RALGPS2: variants seen among roughly 807,000 people sequenced by gnomAD.
RALGPS2 encodes the protein ras-specific guanine nucleotide-releasing factor RalGPS2.
A neutral mutation model predicts 86.8 loss-of-function variants in RALGPS2; 43 were observed. The ratio of observed to expected loss-of-function variants is 0.50; its 90% CI spans 0.39 to 0.64. The LOEUF (loss-of-function observed/expected upper bound fraction) is 0.64, where lower values mean the gene tolerates loss of function less well. RALGPS2 is among the 30% of genes least tolerant of loss of function. The pLI is 0.00. For missense variants in RALGPS2, 536 were observed against 694.6 expected (o/e 0.77, Z 2.57); for synonymous variants, 243 against 231.3 (o/e 1.05, Z -0.46).
intron 15 of RALGPS2, 141 bp from the exon 16 acceptor site, chr1:178,893,778 C>T: frequency 3.5e-6 from 2 of 570,084 alleles, no homozygotes; most frequent in Non-Finnish European, 6.0e-6. Flanking sequence ...ATTAATAAAC[C>T]TTTAGAATTG....
intron 1 of RALGPS2, among the ~76,000 whole-genome samples, chr1:178,760,979 C>CT (rs200598214): frequency 0.032 from 4,422 of 138,064 alleles, 208 homozygotes; most frequent in African/African-American, 0.091. Flanking sequence ...AGACTTTATT[C>CT]TTTTTTTTTT....
In RALGPS2 at chr1:178,894,190, C is replaced by T. The variant is rs911479834; in HGVS notation, c.1431+166C>T. Reference sequence around the variant, plus strand: ...ATCCTTGGGTCATCCATTCCAAGATCCCCCGGGGATGACTGAAACCTCAGA... The same window carrying T: ...ATCCTTGGGTCATCCATTCCAAGATTCCCCGGGGATGACTGAAACCTCAGA... On this transcript the variant is annotated intron_variant, in intron 16 of 19. Coordinates refer to ENST00000367635, the MANE Select transcript of RALGPS2 (RefSeq NM_152663.5). 16 of 484,108 alleles carry T rather than the reference C, an allele frequency of 3.3e-5. No individual in the cohort carries two copies. In the Middle Eastern group the frequency reaches 1.7e-3, roughly 51 times the overall value. The allele number at this position is 484,108 out of a possible 1,614,324, so 30.0% of individuals were successfully genotyped here.
intron 6 of RALGPS2, among the ~76,000 whole-genome samples, chr1:178,816,079 CT>C (rs1432506661): frequency 6.6e-6 from 1 of 151,992 alleles, no homozygotes; most frequent in Non-Finnish European, 1.5e-5. Context: ...TGGATTATAC[CT>C]AGGAATGGTG....
chr1:178,879,421 A>T (rs1216762471), intron 10 of RALGPS2: 1 of 153,468 alleles, frequency 6.5e-6, no homozygotes, highest in East Asian at 1.9e-4. Context: ...GACTTGGTCC[A>T]TCTTGTCTCA....
At chr1:178,777,695 A>G (rs1173236904) in intron 2 of RALGPS2, among the ~76,000 whole-genome samples, 1 of 152,054 alleles carries the variant, frequency 6.6e-6, no homozygotes, top group Non-Finnish European at 1.5e-5. Context: ...CAAAACAGAG[A>G]TATAGATCAA....
At chr1:178,904,341 C>G (rs577650903) in intron 18 of RALGPS2, among the ~76,000 whole-genome samples, 1 of 152,062 alleles carries the variant, frequency 6.6e-6, no homozygotes, top group Non-Finnish European at 1.5e-5. Context: ...GCTGTGCAAA[C>G]GCTCTTTAGT....
chr1:178,895,616 C>T (rs1235443073), intron 16 of RALGPS2, among the ~76,000 whole-genome samples: 3 of 151,908 alleles, frequency 2.0e-5, no homozygotes, highest in Non-Finnish European at 2.9e-5. Context: ...GTGTAGTTTA[C>T]GCATTGAAAT....
At chr1:178,862,890 T>G (rs1464272301) in intron 8 of RALGPS2, among the ~76,000 whole-genome samples, 1 of 152,160 alleles carries the variant, frequency 6.6e-6, no homozygotes, top group Non-Finnish European at 1.5e-5. Flanking sequence ...CTGCTGGCAA[T>G]GTAAATATAT....
chr1:178,835,393 T>C (rs115704794), intron 8 of RALGPS2, among the ~76,000 whole-genome samples: 5,522 of 113,846 alleles, frequency 0.049, 124 homozygotes, highest in African/African-American at 0.09. Flanking sequence ...CTTTCTTTTC[T>C]TTTTTTTTTT....
At chr1:178,774,051 G>A (rs561722452) in intron 1 of RALGPS2, among the ~76,000 whole-genome samples, 4 of 152,100 alleles carry the variant, frequency 2.6e-5, no homozygotes, top group African/African-American at 7.2e-5. Context: ...GACCAGCCTG[G>A]CCAACATGGT....
chr1:178,830,850 C>T (rs1343653020), intron 7 of RALGPS2, among the ~76,000 whole-genome samples: 1 of 151,920 alleles, frequency 6.6e-6, no homozygotes, highest in Admixed American at 6.6e-5. Context: ...AGTTGTCCAA[C>T]TAGAATGTGT....
In RALGPS2 at chr1:178,776,663, C is replaced by CTTTT; in HGVS notation, c.-83-8_-83-5dup. The CTTTT allele has an allele frequency of 3.2e-6, 2 of 628,192 alleles. No homozygotes were observed. Among genetic ancestry groups the CTTTT allele is most frequent in the Non-Finnish European group, 2.5e-6 (1 of 407,606 alleles). The allele number at this position is 628,192 out of a possible 1,614,324, so 38.9% of individuals were successfully genotyped here. On this transcript the variant is annotated intron_variant, in intron 1 of 19. Transcript: ENST00000367635. ...AACTTCGAGGAAGACATTTGCTTAACTTTTTTTTTTTTTTACAGGAATAAT... is the reference window on the plus strand; with the variant it reads ...AACTTCGAGGAAGACATTTGCTTAACTTTTTTTTTTTTTTTTTTACAGGAATAAT...
rs1553272413 is a variant in RALGPS2, at chr1:178,863,387, C to CGT, written c.608-14111_608-14110insGT. Among the ~76,000 whole-genome samples the CGT allele has an allele frequency of 6.7e-3, 1,016 of 151,968 alleles. 8 individuals are homozygous for CGT. Among genetic ancestry groups the CGT allele is most frequent in the African/African-American group, 0.023 (941 of 41,404 alleles). ...GCATTCAGACCAGCAAGGAGACAGA[C>CGT]ATAAATAAATAACTTCAGTGTAATA... On this transcript the variant is annotated intron_variant, in intron 8 of 19. Transcript: ENST00000367635.
chr1:178,892,147 CTA>C (rs1264052175), intron 14 of RALGPS2, 81 bp from the exon 15 acceptor site: 1 of 1,189,370 alleles, frequency 8.4e-7, no homozygotes, highest in Admixed American at 1.8e-5. Flanking sequence ...CAAGAAGAAA[CTA>C]TTATACTGTT....
intron 19 of RALGPS2, among the ~76,000 whole-genome samples, chr1:178,913,544 A>G (rs891862018): frequency 5.3e-5 from 8 of 152,194 alleles, no homozygotes; most frequent in Admixed American, 6.5e-5. Flanking sequence ...GGAGGTAAGA[A>G]GACACTGTGG....
intron 7 of RALGPS2, among the ~76,000 whole-genome samples, chr1:178,824,417 T>TA (rs1655652216): frequency 6.6e-6 from 1 of 152,058 alleles, no homozygotes; most frequent in South Asian, 2.1e-4. Context: ...CTAGTAGAAC[T>TA]AAAAAAATGA....
chr1:178,809,434 C>T lies in RALGPS2; in HGVS notation c.297+1306C>T, dbSNP rs548320502. On this transcript the variant is annotated intron_variant, in intron 5 of 19. Transcript: ENST00000367635. The stretch of plus-strand genomic sequence containing the variant: ...ATCCTCCAAGGGCAGTTACAGTACC[C>T]ACTCTTGTAACCACTGCTTTGCTTT... Among the ~76,000 whole-genome samples the T allele has an allele frequency of 5.3e-5, 8 of 151,664 alleles. No homozygotes were observed. In the South Asian group the frequency reaches 1.7e-3, roughly 32 times the overall value.
intron 4 of RALGPS2, among the ~76,000 whole-genome samples, chr1:178,803,872 C>T (rs564712892): frequency 6.6e-6 from 1 of 152,282 alleles, no homozygotes; most frequent in South Asian, 2.1e-4. Flanking sequence ...AATCTTAGTA[C>T]TTCTGCAGAC....
intron 1 of RALGPS2, among the ~76,000 whole-genome samples, chr1:178,738,455 C>G (rs917723978): frequency 6.6e-6 from 1 of 151,616 alleles, no homozygotes; most frequent in African/African-American, 2.4e-5. Context: ...GCAGTCCACC[C>G]GCCTTGGCCT....
Sources: allele counts gnomAD v4.1 joint callset (sites outside exome capture counted in the v4.1 genomes callset), GRCh38; gene constraint gnomAD v4.1.1; transcripts MANE v1.5; gene names NCBI Gene and HGNC (gene_info 2026-07-23, HGNC 2026-07-21).